GALNT14: variants seen among roughly 807,000 people sequenced by gnomAD.
GALNT14 encodes UDP-GalNAc:polypeptide N-acetylgalactosaminyltransferase 14.
In GALNT14, 60 loss-of-function variants were observed where a neutral mutation model predicts 77.5. That is an observed-to-expected ratio of 0.77 (90% CI 0.63 to 0.96). The LOEUF (loss-of-function observed/expected upper bound fraction) is 0.96, where lower values mean the gene tolerates loss of function less well. GALNT14 is among the 40% of genes least tolerant of loss of function. The probability of loss-of-function intolerance (pLI) is 0.00; values close to 1 mark genes in which losing one functional copy is unlikely to be tolerated. For synonymous variants in GALNT14, 280 were observed against 281.7 expected (o/e 0.99, Z 0.06); for missense variants, 710 against 731.0 (o/e 0.97, Z 0.33).
chr2:30,903,818 A>G, the GALNT14 span, among the ~76,000 whole-genome samples: 1 of 152,220 alleles, frequency 6.6e-6, no homozygotes, highest in African/African-American at 2.4e-5. Context: ...CAATTACCAA[A>G]GAGCATGTAG....
intron 1 of GALNT14, among the ~76,000 whole-genome samples, chr2:31,009,726 C>T (rs1670900428): frequency 6.6e-6 from 1 of 152,138 alleles, no homozygotes; most frequent in Non-Finnish European, 1.5e-5. Flanking sequence ...GAAATGGCAC[C>T]ACCAGCCACA....
At chr2:31,128,954 A>G (rs1200713582) in intron 1 of GALNT14, among the ~76,000 whole-genome samples, 1 of 136,166 alleles carries the variant, frequency 7.3e-6, no homozygotes, top group African/African-American at 3.4e-5. Flanking sequence ...TCTGTAAGTT[A>G]AAAAATAAAA....
At chr2:31,072,266 CACACACACACACACAT>C (rs573118167) in intron 1 of GALNT14, among the ~76,000 whole-genome samples, 1 of 59,810 alleles carries the variant, frequency 1.7e-5, no homozygotes, top group Admixed American at 1.6e-4. Flanking sequence ...CTCTCTCTCA[CACACACACACACACAT>C]ACACACACAC....
chr2:30,956,667 T>A (rs1667392501), intron 4 of GALNT14, among the ~76,000 whole-genome samples: 1 of 152,100 alleles, frequency 6.6e-6, no homozygotes, highest in Admixed American at 6.5e-5. Flanking sequence ...CCACAATGCC[T>A]GGCTAATTTA....
Position 31,119,662 on chromosome 2 carries a change from T to A in GALNT14, c.129+18296A>T, listed in dbSNP as rs7600547. ...TATACATAATATAAAAATTACAGAC[T>A]CCTTTTGACTCAGAATTCCCACTCC... On this transcript the variant is annotated intron_variant, in intron 1 of 14. Coordinates refer to ENST00000349752, the MANE Select transcript of GALNT14 (RefSeq NM_024572.4). Among the ~76,000 whole-genome samples the A allele has an allele frequency of 7.2e-5, 11 of 152,152 alleles. No homozygotes were observed. In the South Asian group the frequency reaches 2.3e-3, roughly 32 times the overall value.
chr2:31,132,725 T>A (rs965198333), intron 1 of GALNT14: 5 of 470,822 alleles, frequency 1.1e-5, no homozygotes, highest in African/African-American at 1.0e-4. Flanking sequence ...GAAACAAAAA[T>A]GAAAACAGCC....
At chr2:31,088,347 C>A (rs896525309) in intron 1 of GALNT14, among the ~76,000 whole-genome samples, 1 of 152,192 alleles carries the variant, frequency 6.6e-6, no homozygotes, top group Non-Finnish European at 1.5e-5. Context: ...CCTCAGTCTC[C>A]ATGGGAGGAG....
chr2:30,934,563 G>A (rs927974691), intron 9 of GALNT14, among the ~76,000 whole-genome samples: 1 of 152,040 alleles, frequency 6.6e-6, no homozygotes, highest in Admixed American at 6.6e-5. Flanking sequence ...CCCCACCACC[G>A]TTCTCCACTA....
At chr2:31,137,250 G>C (rs1679265702) in intron 1 of GALNT14, among the ~76,000 whole-genome samples, 2 of 152,246 alleles carry the variant, frequency 1.3e-5, no homozygotes, top group African/African-American at 2.4e-5. Context: ...CTGAAGGTAA[G>C]AGTGAGCCTA....
In GALNT14 at chr2:31,138,195, T is replaced by C. The variant is rs966015619; in HGVS notation, c.-109A>G. The C allele has an allele frequency of 3.6e-6, 5 of 1,395,812 alleles. No individual in the cohort carries two copies. Among genetic ancestry groups the C allele is most frequent in the Non-Finnish European group, 4.9e-6 (5 of 1,014,156 alleles). 86.5% of individuals were successfully genotyped at this position (1,395,812 alleles called of 1,614,324 possible). A position where few individuals can be genotyped will look rare whatever the true frequency, so the allele number is the denominator to read the frequency against. On this transcript the variant is annotated 5_prime_UTR_variant, in exon 1 of 15. Transcript: ENST00000349752. ...GCGAGCGCCTCGCTCTGGGGAGCTC[T>C]AGACCCAGGATCCGGTTGGAGGGGC...
chr2:31,008,374 G>A (rs913012205), intron 1 of GALNT14, among the ~76,000 whole-genome samples: 2 of 152,052 alleles, frequency 1.3e-5, no homozygotes, highest in Admixed American at 1.3e-4. Flanking sequence ...TGGGATTACA[G>A]GTATGAACCA....
the GALNT14 span, among the ~76,000 whole-genome samples, chr2:30,901,327 T>G: frequency 0.061 from 9,319 of 152,142 alleles, 382 homozygotes; most frequent in South Asian, 0.14. Flanking sequence ...GCCACCCATA[T>G]TGAGCTCAGT....
the GALNT14 span, among the ~76,000 whole-genome samples, chr2:30,888,273 T>C: frequency 6.6e-6 from 1 of 152,182 alleles, no homozygotes; most frequent in African/African-American, 2.4e-5. Context: ...AAAAAAAGAT[T>C]GCATCAATAA....
intron 1 of GALNT14, among the ~76,000 whole-genome samples, chr2:31,001,967 A>C (rs189029702): frequency 1.3e-5 from 2 of 152,346 alleles, no homozygotes; most frequent in East Asian, 3.9e-4. Flanking sequence ...ATGGAAAGTC[A>C]ATATCAAACA....
intron 1 of GALNT14, among the ~76,000 whole-genome samples, chr2:31,055,519 T>C (rs1003185707): frequency 6.6e-6 from 1 of 152,182 alleles, no homozygotes; most frequent in Non-Finnish European, 1.5e-5. Context: ...GGGGCTGTTA[T>C]GCTGTTATCT....
chr2:31,066,723 G>A (rs13026530), intron 1 of GALNT14, among the ~76,000 whole-genome samples: 64,459 of 151,758 alleles, frequency 0.42, 14,114 homozygotes, highest in Middle Eastern at 0.5. Context: ...AGAGATGCCC[G>A]CCCAGGCCAA....
intron 7 of GALNT14, 68 bp from the exon 8 acceptor site, chr2:30,945,010 A>T: frequency 7.2e-7 from 1 of 1,391,578 alleles, no homozygotes; most frequent in Non-Finnish European, 9.8e-7. Flanking sequence ...CACCCTCTCC[A>T]GAAGGTCATG....
Position 31,013,487 on chromosome 2 carries a change from G to A in GALNT14, c.130-20480C>T, listed in dbSNP as rs552416760. Reference sequence around the variant, plus strand: ...TTCAGCTGACCTCAAACTTCCCCGCGGCAGCTTTCCATGTCAGCGGATAAT... The same window carrying A: ...TTCAGCTGACCTCAAACTTCCCCGCAGCAGCTTTCCATGTCAGCGGATAAT... On this transcript the variant is annotated intron_variant, in intron 1 of 14. Coordinates refer to ENST00000349752, the MANE Select transcript of GALNT14 (RefSeq NM_024572.4). Among the ~76,000 whole-genome samples the A allele has an allele frequency of 4.6e-5, 7 of 152,272 alleles. No homozygotes were observed. The East Asian group carries it at 7.7e-4, about 17-fold the overall frequency.
At chr2:30,918,555 T>G (rs1232550159) in intron 13 of GALNT14, among the ~76,000 whole-genome samples, 1 of 152,130 alleles carries the variant, frequency 6.6e-6, no homozygotes, top group Non-Finnish European at 1.5e-5. Flanking sequence ...GCCCAGGAGC[T>G]ATACTGGAGG....
Sources: allele counts gnomAD v4.1 joint callset (sites outside exome capture counted in the v4.1 genomes callset), GRCh38; gene constraint gnomAD v4.1.1; transcripts MANE v1.5; gene names NCBI Gene and HGNC (gene_info 2026-07-23, HGNC 2026-07-21).